CCDC77: variants seen among roughly 807,000 people sequenced by gnomAD.
CCDC77 encodes the protein coiled-coil domain-containing protein 77.
Under a neutral mutation model 66.8 loss-of-function variants are expected in CCDC77, and 56 were observed. That is an observed-to-expected ratio of 0.84 (90% CI 0.68 to 1.05). CCDC77 has a LOEUF of 1.05. Among genes scored for constraint, CCDC77 ranks in the 50% least tolerant of loss-of-function variants. The pLI is 0.00. For missense variants in CCDC77, 570 were observed against 576.8 expected, an observed-to-expected ratio of 0.99 and a Z score of 0.12; for synonymous variants, 196 against 195.2, an observed-to-expected ratio of 1.00 and a Z score of -0.03.
At chr12:393,885 C>T (rs1232295842) in intron 1 of CCDC77, among the ~76,000 whole-genome samples, 1 of 152,106 alleles carries the variant, frequency 6.6e-6, no homozygotes, top group African/African-American at 2.4e-5. Context: ...TAACATCATG[C>T]ATTGGTCATT....
intron 10 of CCDC77, among the ~76,000 whole-genome samples, chr12:438,987 AGAATTGCTT>A (rs896204564): frequency 6.6e-6 from 1 of 151,884 alleles, no homozygotes; most frequent in Non-Finnish European, 1.5e-5. Flanking sequence ...CTGAGGCAGG[AGAATTGCTT>A]GAACCCGGGA....
chr12:425,321 C>T (rs1431645788), intron 5 of CCDC77, among the ~76,000 whole-genome samples: 1 of 130,232 alleles, frequency 7.7e-6, no homozygotes, highest in Non-Finnish European at 1.5e-5. Context: ...CAAATGTTGT[C>T]ATTCTCAGCT....
At position 418,715 on chromosome 12, in the gene CCDC77, A is replaced by T. The variant is rs1945334470; in HGVS notation, c.413+79A>T. 5 of 1,474,740 alleles carry T rather than the reference A, an allele frequency of 3.4e-6. No homozygotes were observed. The Admixed American group carries it at 8.6e-5, about 25-fold the overall frequency. The allele number at this position is 1,474,740 out of a possible 1,614,324, so 91.4% of individuals were successfully genotyped here. ...CATTCATTCATTCATTCATTCATTGATTTAGAGGCAGTATCACTCTATTGC... is the reference window on the plus strand; with the variant it reads ...CATTCATTCATTCATTCATTCATTGTTTTAGAGGCAGTATCACTCTATTGC... On this transcript the variant is annotated intron_variant, in intron 5 of 12. Transcript: ENST00000239830.
At chr12:428,701 T>C in intron 5 of CCDC77, 68 bp from the exon 6 acceptor site, 1 of 1,068,704 alleles carries the variant, frequency 9.4e-7, no homozygotes, top group Non-Finnish European at 1.4e-6. Context: ...GGGAGATCCT[T>C]TAAACAGAAA....
chr12:403,275 T>C (rs1944930096), intron 1 of CCDC77, among the ~76,000 whole-genome samples: 1 of 152,110 alleles, frequency 6.6e-6, no homozygotes, highest in Non-Finnish European at 1.5e-5. Context: ...GGGAGTAAAA[T>C]TGTCAATAAT....
chr12:418,681 A>G lies in CCDC77; in HGVS notation c.413+45A>G, dbSNP rs751086233. The G allele has an allele frequency of 3.2e-4, 493 of 1,544,144 alleles. 1 individual carries two copies. Among genetic ancestry groups the G allele is most frequent in the Non-Finnish European group, 4.0e-4 (455 of 1,123,462 alleles). ...AAATGTTGGAGTTTAACTTTAAATT[A>G]CATTCATTCATTCATTCATTCATTC... On this transcript the variant is annotated intron_variant, in intron 5 of 12. Transcript: ENST00000239830.
intron 5 of CCDC77, among the ~76,000 whole-genome samples, chr12:427,658 A>G (rs1273861999): frequency 3.3e-5 from 5 of 151,824 alleles, no homozygotes; most frequent in African/African-American, 9.7e-5. Flanking sequence ...CATTTTTAGT[A>G]GAGACCAAGG....
chr12:406,382 G>T (rs947731301), intron 2 of CCDC77, among the ~76,000 whole-genome samples: 2 of 152,148 alleles, frequency 1.3e-5, no homozygotes, highest in Non-Finnish European at 2.9e-5. Flanking sequence ...CTGTAGGTAC[G>T]GGGACTCTGA....
chr12:416,340 T>TGG (rs146269284), intron 4 of CCDC77, among the ~76,000 whole-genome samples: 12 of 48,260 alleles, frequency 2.5e-4, no homozygotes, highest in African/African-American at 6.9e-4. Flanking sequence ...TGTGGGTGTG[T>TGG]GGGGGTGTGT....
intron 4 of CCDC77, among the ~76,000 whole-genome samples, chr12:413,251 T>C (rs1400312564): frequency 1.4e-5 from 2 of 148,108 alleles, no homozygotes; most frequent in African/African-American, 5.0e-5. Flanking sequence ...TTTTTTGTTT[T>C]TTTGAGACAG....
At chr12:427,028 C>T (rs1565573688) in intron 5 of CCDC77, among the ~76,000 whole-genome samples, 3 of 152,004 alleles carry the variant, frequency 2.0e-5, no homozygotes, top group African/African-American at 4.8e-5. Context: ...GGGCAGATCA[C>T]GAGGTCAGGA....
At position 411,823 on chromosome 12, in the gene CCDC77, T is replaced by A. The variant is rs772923533; in HGVS notation, c.115T>A (p.Ser39Thr). 9.9e-6 allele frequency: 16 copies of A among 1,612,928 alleles called. No individual in the cohort carries two copies. The South Asian group carries it at 1.8e-4, about 18-fold the overall frequency. The change falls in exon 4 of 13, where the codon TCA (serine) becomes ACA (threonine). Residue 39 changes from serine (S) to threonine (T), a missense_variant. Transcript: ENST00000239830. ...KRRGMADSLE[S>T]TPLPSPEDRL... Reference sequence around the variant, plus strand: ...GAGGGGAATGGCAGATTCACTGGAGTCAACCCCCTTGCCTTCCCCCGAAGA... The same window carrying A: ...GAGGGGAATGGCAGATTCACTGGAGACAACCCCCTTGCCTTCCCCCGAAGA...
chr12:407,994 A>G (rs1011991736), intron 2 of CCDC77, among the ~76,000 whole-genome samples: 1 of 151,936 alleles, frequency 6.6e-6, no homozygotes, highest in Admixed American at 6.6e-5. Context: ...TCACCGTGTT[A>G]GCCAGGATGG....
intron 9 of CCDC77, among the ~76,000 whole-genome samples, chr12:437,371 G>C (rs892545689): frequency 2.6e-5 from 4 of 152,008 alleles, no homozygotes; most frequent in Non-Finnish European, 5.9e-5. Flanking sequence ...TAATAAATAA[G>C]GTATATGCTT....
upstream of CCDC77, among the ~76,000 whole-genome samples, chr12:400,865 C>T (rs372636373): frequency 2.6e-5 from 4 of 152,238 alleles, no homozygotes; most frequent in East Asian, 7.7e-4. Flanking sequence ...AGAGTTGCCA[C>T]AAACCTTACA....
intron 2 of CCDC77, among the ~76,000 whole-genome samples, chr12:405,980 G>A (rs911092886): frequency 1.4e-4 from 20 of 147,562 alleles, no homozygotes; most frequent in African/African-American, 5.0e-4. Context: ...CTGCAATGGC[G>A]TGATCATGGC....
At chr12:428,671 GT>G in intron 5 of CCDC77, 97 bp from the exon 6 acceptor site, 3 of 644,436 alleles carry the variant, frequency 4.7e-6, no homozygotes, top group Non-Finnish European at 4.8e-6. Context: ...GGTTACAATT[GT>G]TTTAAAAAAA....
chr12:423,904 A>G (rs1008335107), intron 5 of CCDC77, among the ~76,000 whole-genome samples: 3 of 152,156 alleles, frequency 2.0e-5, no homozygotes, highest in African/African-American at 7.2e-5. Flanking sequence ...TGCCATTTAT[A>G]TATCTTCTTT....
intron 5 of CCDC77, among the ~76,000 whole-genome samples, chr12:419,216 A>C (rs1406315758): frequency 6.6e-6 from 1 of 152,232 alleles, no homozygotes; most frequent in African/African-American, 2.4e-5. Context: ...CACTAAGGAT[A>C]GGGTGGTCTT....
Sources: allele counts gnomAD v4.1 joint callset (sites outside exome capture counted in the v4.1 genomes callset), GRCh38; gene constraint gnomAD v4.1.1; transcripts MANE v1.5; gene names NCBI Gene and HGNC (gene_info 2026-07-23, HGNC 2026-07-21).